SMAP1: variants seen among roughly 807,000 people sequenced by gnomAD.
SMAP1 encodes the protein small ArfGAP 1.
In SMAP1, 24 loss-of-function variants were observed where a neutral mutation model predicts 58.5. That is an observed-to-expected ratio of 0.41 (90% confidence interval 0.30 to 0.58). The LOEUF (loss-of-function observed/expected upper bound fraction) is 0.58. Ranked by LOEUF, SMAP1 falls within the 20% of genes least tolerant of loss-of-function variation. SMAP1 has a pLI of 0.29. For missense variants in SMAP1, 563 were observed against 566.3 expected, an observed-to-expected ratio of 0.99 and a Z score of 0.06; for synonymous variants, 216 against 196.6, an observed-to-expected ratio of 1.10 and a Z score of -0.82.
At chr6:70,695,493 G>C (rs774746540) in intron 1 of SMAP1, among the ~76,000 whole-genome samples, 1 of 152,008 alleles carries the variant, frequency 6.6e-6, no homozygotes, top group East Asian at 1.9e-4. Context: ...TATCATAAAG[G>C]GATGTTGAAT....
At chr6:70,673,246 A>G (rs1244115592) in intron 1 of SMAP1, among the ~76,000 whole-genome samples, 1 of 152,208 alleles carries the variant, frequency 6.6e-6, no homozygotes, top group Non-Finnish European at 1.5e-5. Flanking sequence ...CCCCACTGTC[A>G]TAACTGCTTC....
At chr6:70,714,080 A>T (rs1316341887) in intron 1 of SMAP1, among the ~76,000 whole-genome samples, 1 of 152,038 alleles carries the variant, frequency 6.6e-6, no homozygotes, top group East Asian at 1.9e-4. Flanking sequence ...ATTTGCATGG[A>T]CTATTCTTTT....
At chr6:70,785,206 G>A (rs1286265221) in intron 4 of SMAP1, among the ~76,000 whole-genome samples, 1 of 152,106 alleles carries the variant, frequency 6.6e-6, no homozygotes, top group African/African-American at 2.4e-5. Flanking sequence ...AATGACTACT[G>A]GGTACATAAC....
intron 7 of SMAP1, among the ~76,000 whole-genome samples, chr6:70,838,843 T>A (rs538935411): frequency 7.2e-5 from 11 of 152,148 alleles, no homozygotes; most frequent in Non-Finnish European, 1.2e-4. Flanking sequence ...AATCTGACTT[T>A]TGTATTTGAA....
intron 1 of SMAP1, among the ~76,000 whole-genome samples, chr6:70,692,643 A>G (rs1358966470): frequency 1.3e-5 from 2 of 152,178 alleles, no homozygotes; most frequent in Non-Finnish European, 2.9e-5. Context: ...ATTTATATCC[A>G]GTTTTCCCAG....
intron 6 of SMAP1, among the ~76,000 whole-genome samples, chr6:70,825,026 C>G (rs1256986254): frequency 6.6e-6 from 1 of 152,184 alleles, no homozygotes; most frequent in East Asian, 1.9e-4. Flanking sequence ...AGCTAATATA[C>G]TTATCTTGTA....
chr6:70,842,114 C>T (rs897352770), intron 7 of SMAP1, among the ~76,000 whole-genome samples: 1 of 152,160 alleles, frequency 6.6e-6, no homozygotes, highest in Non-Finnish European at 1.5e-5. Context: ...TGTGCACATT[C>T]CCCTTCTCTT....
At chr6:70,808,901 C>CGTGT (rs1562176834) in intron 6 of SMAP1, among the ~76,000 whole-genome samples, 11 of 71,494 alleles carry the variant, frequency 1.5e-4, no homozygotes, top group African/African-American at 4.1e-4. Context: ...AGGCTGTTTC[C>CGTGT]CTGTGTGTGT....
intron 4 of SMAP1, among the ~76,000 whole-genome samples, chr6:70,777,307 A>G (rs1258354934): frequency 6.6e-6 from 1 of 152,042 alleles, no homozygotes; most frequent in African/African-American, 2.4e-5. Flanking sequence ...TCACGCTGGG[A>G]GCTGTAGACC....
chr6:70,816,711 G>A (rs1769644906), intron 6 of SMAP1, among the ~76,000 whole-genome samples: 1 of 152,048 alleles, frequency 6.6e-6, no homozygotes, highest in African/African-American at 2.4e-5. Flanking sequence ...CATATATGGT[G>A]CTTTATCAAT....
intron 4 of SMAP1, among the ~76,000 whole-genome samples, chr6:70,777,699 A>T (rs996639047): frequency 1.3e-5 from 2 of 148,456 alleles, no homozygotes; most frequent in Non-Finnish European, 3.0e-5. Context: ...AGTGTTTCCT[A>T]TGTTTTCTTC....
chr6:70,670,105 T>C (rs769696452), intron 1 of SMAP1, among the ~76,000 whole-genome samples: 23 of 152,188 alleles, frequency 1.5e-4, no homozygotes, highest in Non-Finnish European at 2.5e-4. Flanking sequence ...AGTAGATATA[T>C]ATTGAATGAA....
chr6:70,857,851 C>T (rs968459753), intron 9 of SMAP1, 71 bp from the exon 10 acceptor site: 5 of 1,531,052 alleles, frequency 3.3e-6, no homozygotes, highest in Admixed American at 1.9e-5. Context: ...GGCAATTTTT[C>T]TGTGATTATA....
intron 4 of SMAP1, among the ~76,000 whole-genome samples, chr6:70,786,490 A>G (rs1179331305): frequency 5.1e-5 from 7 of 138,502 alleles, no homozygotes; most frequent in East Asian, 2.1e-4. Flanking sequence ...GGGTTATTCA[A>G]TTAGGAAAAG....
chr6:70,676,799 T>C (rs570244392), intron 1 of SMAP1, among the ~76,000 whole-genome samples: 215 of 152,286 alleles, frequency 1.4e-3, no homozygotes, highest in Middle Eastern at 3.4e-3. Context: ...TTCCTTGTTA[T>C]AGAGACAGGG....
intron 5 of SMAP1, among the ~76,000 whole-genome samples, chr6:70,793,958 C>T (rs1171482235): frequency 3.3e-5 from 5 of 152,086 alleles, no homozygotes; most frequent in Admixed American, 6.5e-5. Context: ...GTCTCGAACT[C>T]CCGACCTCAG....
chr6:70,844,965 C>T (rs1440402689), intron 7 of SMAP1, among the ~76,000 whole-genome samples: 1 of 152,182 alleles, frequency 6.6e-6, no homozygotes, highest in Non-Finnish European at 1.5e-5. Flanking sequence ...TTAAACAGTG[C>T]TGTTTCCACT....
intron 1 of SMAP1, among the ~76,000 whole-genome samples, chr6:70,718,402 C>T (rs540966036): frequency 6.6e-6 from 1 of 152,130 alleles, no homozygotes; most frequent in South Asian, 2.1e-4. Flanking sequence ...CCTTACATCA[C>T]CAACTAAGTT....
At chr6:70,817,491 TG>T (rs1769690972) in intron 6 of SMAP1, among the ~76,000 whole-genome samples, 1 of 152,198 alleles carries the variant, frequency 6.6e-6, no homozygotes, top group Admixed American at 6.5e-5. Flanking sequence ...TTCAGAAAAC[TG>T]GGACTTTTTC....
Sources: gnomAD v4.1 joint callset for allele counts (sites outside exome capture counted in the v4.1 genomes callset) on GRCh38, gnomAD v4.1.1 for gene constraint, MANE v1.5 for transcripts, NCBI Gene and HGNC (gene_info 2026-07-23, HGNC 2026-07-21) for gene names.